GNAI1: variants seen among roughly 807,000 people sequenced by gnomAD.
GNAI1 encodes the protein guanine nucleotide-binding protein G(i) subunit alpha-1.
Under a neutral mutation model 38.9 loss-of-function variants are expected in GNAI1, and 11 were observed. That is an observed-to-expected ratio of 0.28 (90% CI 0.18 to 0.47). The LOEUF (loss-of-function observed/expected upper bound fraction) is 0.47. GNAI1 is among the 20% of genes least tolerant of loss of function. The pLI is 0.99. For missense variants in GNAI1, 317 were observed against 436.9 expected (o/e 0.73, Z 2.45); for synonymous variants, 166 against 145.1 (o/e 1.14, Z -1.04).
At chr7:80,161,109 A>T (rs1787917279) in intron 1 of GNAI1, among the ~76,000 whole-genome samples, 1 of 152,212 alleles carries the variant, frequency 6.6e-6, no homozygotes, top group East Asian at 1.9e-4. Context: ...TAAACTACCT[A>T]GCCTGGTATT....
intron 1 of GNAI1, among the ~76,000 whole-genome samples, chr7:80,176,795 A>G (rs1261090067): frequency 6.6e-6 from 1 of 151,418 alleles, no homozygotes; most frequent in Non-Finnish European, 1.5e-5. Context: ...AAAATTAGCC[A>G]GGGGTGGTGA....
intron 3 of GNAI1, among the ~76,000 whole-genome samples, chr7:80,190,530 A>T (rs926995108): frequency 2.0e-5 from 3 of 152,166 alleles, no homozygotes; most frequent in Non-Finnish European, 4.4e-5. Flanking sequence ...AAGACATTTT[A>T]AAAGAACATT....
At chr7:80,216,682 ATTATCT>A (rs1436407309) in intron 7 of GNAI1, among the ~76,000 whole-genome samples, 9 of 152,108 alleles carry the variant, frequency 5.9e-5, no homozygotes, top group African/African-American at 2.4e-5. Flanking sequence ...TGTGTGTGTG[ATTATCT>A]TTAGATATTG....
chr7:80,156,641 C>T (rs1787823435), intron 1 of GNAI1, among the ~76,000 whole-genome samples: 1 of 152,010 alleles, frequency 6.6e-6, no homozygotes, highest in South Asian at 2.1e-4. Flanking sequence ...GCTCTGTTTC[C>T]CAGGCTGGTC....
intron 1 of GNAI1, among the ~76,000 whole-genome samples, chr7:80,136,253 A>G (rs1237721921): frequency 6.6e-6 from 1 of 152,194 alleles, no homozygotes; most frequent in African/African-American, 2.4e-5. Flanking sequence ...TTTTGTTTGC[A>G]TGTTTTCTTC....
At chr7:80,149,684 C>T (rs1251574467) in intron 1 of GNAI1, among the ~76,000 whole-genome samples, 2 of 152,104 alleles carry the variant, frequency 1.3e-5, no homozygotes, top group African/African-American at 2.4e-5. Context: ...TGTATATTCC[C>T]GCTTTCCCAT....
At chr7:80,193,576 T>A (rs770319253) in intron 3 of GNAI1, among the ~76,000 whole-genome samples, 5 of 152,102 alleles carry the variant, frequency 3.3e-5, no homozygotes, top group African/African-American at 4.8e-5. Flanking sequence ...TTTTAGAAGC[T>A]TTACAAAGGG....
At chr7:80,196,230 T>C (rs1415453693) in intron 3 of GNAI1, among the ~76,000 whole-genome samples, 1 of 152,026 alleles carries the variant, frequency 6.6e-6, no homozygotes, top group Non-Finnish European at 1.5e-5. Context: ...TATTTTTGTT[T>C]AGCTTTTAGT....
intron 1 of GNAI1, among the ~76,000 whole-genome samples, chr7:80,175,861 GAC>G (rs1788174899): frequency 6.6e-6 from 1 of 152,102 alleles, no homozygotes; most frequent in East Asian, 1.9e-4. Context: ...TATTTCCTGA[GAC>G]ACAGGAATAT....
chr7:80,167,289 A>T (rs1275226444), intron 1 of GNAI1, among the ~76,000 whole-genome samples: 2 of 152,234 alleles, frequency 1.3e-5, no homozygotes, highest in Non-Finnish European at 1.5e-5. Flanking sequence ...GAATGTAGAC[A>T]TTTGTAGCGT....
At chr7:80,174,890 TAAAAG>T (rs1413361350) in intron 1 of GNAI1, among the ~76,000 whole-genome samples, 1 of 152,156 alleles carries the variant, frequency 6.6e-6, no homozygotes, top group African/African-American at 2.4e-5. Context: ...GCACCTGTAA[TAAAAG>T]AAAAAGCTAA....
At chr7:80,216,974 C>T (rs546177457) in intron 7 of GNAI1, among the ~76,000 whole-genome samples, 1 of 152,210 alleles carries the variant, frequency 6.6e-6, no homozygotes, top group South Asian at 2.1e-4. Flanking sequence ...AGCATCTGAG[C>T]TGGGGTGTAG....
At chr7:80,205,671 A>G (rs1303897222) in intron 5 of GNAI1, among the ~76,000 whole-genome samples, 3 of 152,056 alleles carry the variant, frequency 2.0e-5, no homozygotes, top group Non-Finnish European at 2.9e-5. Flanking sequence ...GTATATATCT[A>G]ACTTTTACCC....
At chr7:80,174,793 A>G (rs1473639116) in intron 1 of GNAI1, among the ~76,000 whole-genome samples, 2 of 152,202 alleles carry the variant, frequency 1.3e-5, no homozygotes, top group African/African-American at 4.8e-5. Flanking sequence ...TGTCACAAAT[A>G]TAAGTTTAAA....
intron 1 of GNAI1, among the ~76,000 whole-genome samples, chr7:80,157,254 C>G (rs1332419992): frequency 6.6e-6 from 1 of 152,088 alleles, no homozygotes; most frequent in Non-Finnish European, 1.5e-5. Flanking sequence ...ATAATATGCA[C>G]TTAAGTTTCC....
chr7:80,182,892 CCAT>C lies in GNAI1; in HGVS notation c.119-6055_119-6053del, dbSNP rs570860658. ...ACCTTTACTGTGGTAATTGGGATGA[CCAT>C]CATGTTAGCTAATTGGCCTCATTCA... On this transcript the variant is annotated intron_variant, in intron 1 of 7. Coordinates refer to ENST00000649796, the MANE Select transcript of GNAI1 (RefSeq NM_002069.6). Among the ~76,000 whole-genome samples, 7 of 152,246 alleles carry C rather than the reference CCAT, an allele frequency of 4.6e-5. No individual in the cohort carries two copies. In the East Asian group the frequency reaches 1.4e-3, roughly 29 times the overall value.
intron 1 of GNAI1, among the ~76,000 whole-genome samples, chr7:80,140,160 A>G (rs1320470322): frequency 1.3e-5 from 2 of 151,650 alleles, no homozygotes; most frequent in African/African-American, 4.8e-5. Flanking sequence ...ATTTTTTTGT[A>G]TTTGTAGTAG....
chr7:80,142,093 C>T (rs1190129050), intron 1 of GNAI1, among the ~76,000 whole-genome samples: 1 of 152,156 alleles, frequency 6.6e-6, no homozygotes, highest in Non-Finnish European at 1.5e-5. Flanking sequence ...ACATTAACAT[C>T]GTATTTCTAT....
At chr7:80,177,973 A>G (rs1303101262) in intron 1 of GNAI1, among the ~76,000 whole-genome samples, 1 of 152,232 alleles carries the variant, frequency 6.6e-6, no homozygotes, top group Non-Finnish European at 1.5e-5. Flanking sequence ...AGATGCCATG[A>G]AAAACATTTG....
Sources: gnomAD v4.1 joint callset for allele counts (sites outside exome capture counted in the v4.1 genomes callset) on GRCh38, gnomAD v4.1.1 for gene constraint, MANE v1.5 for transcripts, NCBI Gene and HGNC (gene_info 2026-07-23, HGNC 2026-07-21) for gene names.